IP6K1: variants seen among roughly 807,000 people sequenced by gnomAD.
IP6K1 encodes inositol hexakisphosphate kinase 1.
A neutral mutation model predicts 38.3 loss-of-function variants in IP6K1; 13 were observed. That is an observed-to-expected ratio of 0.34 (90% CI 0.22 to 0.54). IP6K1 has a LOEUF of 0.54. Ranked by LOEUF, IP6K1 falls within the 20% of genes least tolerant of loss-of-function variation. The pLI, the probability that IP6K1 is intolerant of heterozygous loss-of-function variation, is 0.92. For synonymous variants in IP6K1, 212 were observed against 229.9 expected, an observed-to-expected ratio of 0.92 and a Z score of 0.70; for missense variants, 397 against 599.8, an observed-to-expected ratio of 0.66 and a Z score of 3.53.
chr3:49,764,246 G>A (rs1056891170), intron 1 of IP6K1, among the ~76,000 whole-genome samples: 3 of 151,892 alleles, frequency 2.0e-5, no homozygotes, highest in Admixed American at 2.0e-4. Context: ...GCCAGACATG[G>A]TGATGCACAC....
chr3:49,753,421 T>C (rs892186281), intron 1 of IP6K1, among the ~76,000 whole-genome samples: 19 of 152,236 alleles, frequency 1.2e-4, no homozygotes, highest in African/African-American at 3.8e-4. Flanking sequence ...TCCACCCCCT[T>C]TAATTGGCTC....
At chr3:49,757,495 G>A (rs1298800575) in intron 1 of IP6K1, among the ~76,000 whole-genome samples, 1 of 152,066 alleles carries the variant, frequency 6.6e-6, no homozygotes, top group African/African-American at 2.4e-5. Context: ...AGGCTGAGAT[G>A]TGTGGATCGC....
At chr3:49,775,489 A>G (rs1209302608) in intron 1 of IP6K1, 1 of 680,396 alleles carries the variant, frequency 1.5e-6, no homozygotes, top group Non-Finnish European at 2.4e-6. Context: ...TCTGGTGCCT[A>G]TTACTGTAAG....
At chr3:49,751,156 T>TTTTTG (rs1553694824) in intron 1 of IP6K1, among the ~76,000 whole-genome samples, 1 of 148,990 alleles carries the variant, frequency 6.7e-6, no homozygotes, top group East Asian at 2.0e-4. Flanking sequence ...TCCTTTTTTT[T>TTTTTG]TTGTTGTTGT....
intron 4 of IP6K1, among the ~76,000 whole-genome samples, chr3:49,729,423 T>A (rs2080544599): frequency 6.6e-6 from 1 of 151,852 alleles, no homozygotes; most frequent in African/African-American, 2.4e-5. Flanking sequence ...TTTATTTTTT[T>A]TTTGAGACGG....
intron 1 of IP6K1, among the ~76,000 whole-genome samples, chr3:49,772,466 G>A (rs1014639664): frequency 2.6e-5 from 4 of 151,778 alleles, no homozygotes; most frequent in Non-Finnish European, 5.9e-5. Context: ...GCAGTGGCAC[G>A]ATCATGATTC....
chr3:49,748,287 A>C (rs1259567027), intron 1 of IP6K1, 119 bp from the exon 2 acceptor site: 1 of 531,172 alleles, frequency 1.9e-6, no homozygotes, highest in Non-Finnish European at 3.4e-6. Flanking sequence ...TATCCCTAGC[A>C]CGTACAATAC....
At chr3:49,738,929 C>A (rs968495538) in intron 2 of IP6K1, among the ~76,000 whole-genome samples, 1 of 152,198 alleles carries the variant, frequency 6.6e-6, no homozygotes, top group African/African-American at 2.4e-5. Context: ...CCCAGCCTCA[C>A]TACACAGAAC....
intron 1 of IP6K1, among the ~76,000 whole-genome samples, chr3:49,761,979 G>C (rs1471061548): frequency 6.6e-6 from 1 of 151,900 alleles, no homozygotes; most frequent in East Asian, 1.9e-4. Flanking sequence ...GGTGAGATGG[G>C]GTCTCACTGT....
chr3:49,739,968 T>C (rs2080651290), intron 2 of IP6K1, among the ~76,000 whole-genome samples: 1 of 151,748 alleles, frequency 6.6e-6, no homozygotes, highest in Non-Finnish European at 1.5e-5. Context: ...TGAGCCAAGA[T>C]CAGCCTGGGC....
At chr3:49,772,825 G>A (rs1405283457) in intron 1 of IP6K1, among the ~76,000 whole-genome samples, 1 of 149,080 alleles carries the variant, frequency 6.7e-6, no homozygotes, top group Non-Finnish European at 1.5e-5. Context: ...TTGAACTCTT[G>A]AGCTTTTTTT....
At chr3:49,774,355 C>T (rs1243465148) in intron 1 of IP6K1, among the ~76,000 whole-genome samples, 2 of 131,394 alleles carry the variant, frequency 1.5e-5, no homozygotes, top group Non-Finnish European at 3.1e-5. Context: ...TTGCAGTGAG[C>T]TGAGATAGTG....
chr3:49,757,951 G>GCT (rs1473649340), intron 1 of IP6K1, among the ~76,000 whole-genome samples: 2 of 152,088 alleles, frequency 1.3e-5, no homozygotes, highest in East Asian at 3.9e-4. Context: ...TGAAGCCAAA[G>GCT]CTCTGGTCAC....
chr3:49,751,653 C>T (rs889087120), intron 1 of IP6K1, among the ~76,000 whole-genome samples: 3 of 152,188 alleles, frequency 2.0e-5, no homozygotes, highest in Non-Finnish European at 4.4e-5. Flanking sequence ...ATCTGCTCCC[C>T]AAGAGGTTAT....
At chr3:49,786,310 C>T (rs1410395139) in intron 1 of IP6K1, 44 bp downstream of exon 1, 4 of 152,344 alleles carry the variant, frequency 2.6e-5, no homozygotes, top group Non-Finnish European at 5.9e-5. Context: ...CCGCCCTCCC[C>T]GCGGGCGTCA....
intron 1 of IP6K1, among the ~76,000 whole-genome samples, chr3:49,774,015 ACAC>A (rs375630402): frequency 0.12 from 18,103 of 146,378 alleles, 1,332 homozygotes; most frequent in Middle Eastern, 0.23. Flanking sequence ...ACACACACAC[ACAC>A]AACACACACA....
At chr3:49,769,547 T>A (rs1055791455) in intron 1 of IP6K1, among the ~76,000 whole-genome samples, 1 of 152,172 alleles carries the variant, frequency 6.6e-6, no homozygotes, top group African/African-American at 2.4e-5. Context: ...AGCAAACCAA[T>A]GGGGAGAGAA....
At chr3:49,759,930 T>C (rs1243242493) in intron 1 of IP6K1, among the ~76,000 whole-genome samples, 1 of 152,152 alleles carries the variant, frequency 6.6e-6, no homozygotes, top group Non-Finnish European at 1.5e-5. Context: ...CGAGACAGGG[T>C]CTCACTCTGT....
Position 49,727,424 on chromosome 3 carries a change from T to C in IP6K1, c.1024A>G (p.Lys342Glu), listed in dbSNP as rs201880189. 3.7e-6 allele frequency: 6 copies of C among 1,614,004 alleles called. No homozygotes were observed. Among genetic ancestry groups the C allele is most frequent in the Non-Finnish European group, 5.1e-6 (6 of 1,180,016 alleles). The stretch of plus-strand genomic sequence containing the variant: ...AGGCAGGACTCAGCCCGGCACTCCT[T>C]GCCATCATAGATGACAAGCAGGGAA... ...SSSLLVIYDG[K>E]ECRAESCLDR... The change falls in exon 6 of 6, where the codon AAG becomes GAG. Residue 342 changes from lysine to glutamate, a missense_variant. This residue lies in a region of IP6K1 where 164 missense variants were observed against 213.5 expected (regional missense o/e 0.77). Transcript: ENST00000321599. This position sits in a 1 kb window ranked among gnomAD's most constrained non-coding sequence, Gnocchi z 5.9.
Sources: gnomAD v4.1 joint callset for allele counts (sites outside exome capture counted in the v4.1 genomes callset) on GRCh38, gnomAD v4.1.1 for gene constraint, gnomAD v4.1.1 regional missense constraint, Gnocchi (gnomAD v3.1) non-coding constraint, MANE v1.5 for transcripts, NCBI Gene and HGNC (gene_info 2026-07-23, HGNC 2026-07-21) for gene names.